CYSLTR2: variants seen among roughly 807,000 people sequenced by gnomAD.
The protein encoded by CYSLTR2 is cysteinyl leukotriene receptor 2.
For synonymous variants in CYSLTR2, 179 were observed against 160.8 expected (o/e 1.11, Z -0.86); for missense variants, 398 against 411.9 (o/e 0.97, Z 0.29).
Position 48,708,045 on chromosome 13 carries a change from T to A in CYSLTR2, c.*187T>A. ...CAGTGTATTTTCAGTTGTTGAGTCT[T>A]AATGAGGGATACAGGAGGAAAAATC... On this transcript the variant is annotated 3_prime_UTR_variant, in exon 5 of 5. Coordinates refer to ENST00000682523, the MANE Select transcript of CYSLTR2 (RefSeq NM_001308476.3). 1 of 493,422 alleles carries A rather than the reference T, an allele frequency of 2.0e-6. No individual in the cohort carries two copies. The highest frequency in any genetic ancestry group is 3.5e-6 in the Non-Finnish European group (1 of 283,044). The allele number at this position is 493,422 out of a possible 1,614,324, so 30.6% of individuals were successfully genotyped here. A position where few individuals can be genotyped will look rare whatever the true frequency, so the allele number is the denominator to read the frequency against.
intron 4 of CYSLTR2, among the ~76,000 whole-genome samples, chr13:48,705,108 G>T (rs74569164): frequency 3.3e-4 from 50 of 152,200 alleles, no homozygotes; most frequent in African/African-American, 1.0e-3. Flanking sequence ...TCTGTTGTTT[G>T]GCGCATACCC....
At chr13:48,673,796 A>G (rs1172137254) in intron 1 of CYSLTR2, among the ~76,000 whole-genome samples, 1 of 151,844 alleles carries the variant, frequency 6.6e-6, no homozygotes, top group African/African-American at 2.4e-5. Context: ...CTTCCTTTGG[A>G]GCTCTTGTAA....
chr13:48,653,993 G>C lies in CYSLTR2; in HGVS notation c.-290G>C, dbSNP rs970545890. On this transcript the variant is annotated 5_prime_UTR_variant, in exon 1 of 5. Transcript: ENST00000682523. ...AGAGATAGAGGCAGCAGAAGCCAGGGCAGCTGAAAGACAGAGACCTTCAGG... is the reference window on the plus strand; with the variant it reads ...AGAGATAGAGGCAGCAGAAGCCAGGCCAGCTGAAAGACAGAGACCTTCAGG... 13 of 152,204 alleles carry C rather than the reference G, an allele frequency of 8.5e-5. No individual in the cohort carries two copies. Among genetic ancestry groups the C allele is most frequent in the African/African-American group, 2.7e-4 (11 of 41,442 alleles). 9.4% of individuals were successfully genotyped at this position (152,204 alleles called of 1,614,324 possible).
chr13:48,700,741 A>T (rs1196699585), intron 4 of CYSLTR2, among the ~76,000 whole-genome samples: 2 of 151,596 alleles, frequency 1.3e-5, no homozygotes, highest in African/African-American at 2.4e-5. Context: ...CTGTTTGCAG[A>T]TGACATTTAG....
chr13:48,691,991 A>T (rs1020132715), intron 2 of CYSLTR2, among the ~76,000 whole-genome samples: 1 of 152,168 alleles, frequency 6.6e-6, no homozygotes, highest in East Asian at 1.9e-4. Context: ...TTCATAGATG[A>T]CAAAACAAAT....
At chr13:48,686,713 T>G (rs12853985) in intron 1 of CYSLTR2, among the ~76,000 whole-genome samples, 63,848 of 152,088 alleles carry the variant, frequency 0.42, 13,641 homozygotes, top group South Asian at 0.5. Flanking sequence ...AAGGCTATGT[T>G]ATTATCCGTG....
chr13:48,667,587 T>C (rs1333555291), intron 1 of CYSLTR2, among the ~76,000 whole-genome samples: 3 of 152,150 alleles, frequency 2.0e-5, no homozygotes, highest in Non-Finnish European at 4.4e-5. Flanking sequence ...AGGACTGTTA[T>C]ATGGGTGCAC....
intron 1 of CYSLTR2, among the ~76,000 whole-genome samples, chr13:48,668,013 T>C (rs896652503): frequency 6.6e-6 from 1 of 152,172 alleles, no homozygotes; most frequent in Admixed American, 6.5e-5. Context: ...AAGAGCACAT[T>C]GCAGTAACAC....
At chr13:48,681,951 T>C (rs1555257418) in intron 1 of CYSLTR2, among the ~76,000 whole-genome samples, 1 of 152,200 alleles carries the variant, frequency 6.6e-6, no homozygotes, top group Admixed American at 6.5e-5. Flanking sequence ...GCTTTAAAGT[T>C]AGGTTCTTTA....
intron 1 of CYSLTR2, among the ~76,000 whole-genome samples, chr13:48,656,476 A>G (rs941867772): frequency 6.6e-6 from 1 of 152,220 alleles, no homozygotes; most frequent in Non-Finnish European, 1.5e-5. Flanking sequence ...AGACGGCTGC[A>G]GTAATAAAAG....
At position 48,708,947 on chromosome 13, in the gene CYSLTR2, GACA is replaced by G. The variant is rs1293037008; in HGVS notation, c.*1094_*1096del. 6.0e-6 allele frequency: 1 copy of G among 167,056 alleles called. No individual in the cohort carries two copies. Among genetic ancestry groups the G allele is most frequent in the Non-Finnish European group, 1.5e-5 (1 of 68,110 alleles). 10.3% of individuals were successfully genotyped at this position (167,056 alleles called of 1,614,324 possible). A position where few individuals can be genotyped will look rare whatever the true frequency, so the allele number is the denominator to read the frequency against. On this transcript the variant is annotated 3_prime_UTR_variant, in exon 5 of 5. Coordinates refer to ENST00000682523, the MANE Select transcript of CYSLTR2 (RefSeq NM_001308476.3). Reference sequence around the variant, plus strand: ...CTACTATCACCATGACCATTGTACTGACAACAATTGAATGCAGTCTCCCTGCAG... The same window carrying G: ...CTACTATCACCATGACCATTGTACTGACAATTGAATGCAGTCTCCCTGCAG...
intron 1 of CYSLTR2, among the ~76,000 whole-genome samples, chr13:48,687,849 A>G (rs1448673658): frequency 6.6e-6 from 1 of 152,230 alleles, no homozygotes; most frequent in African/African-American, 2.4e-5. Context: ...TCCACATAAG[A>G]AGGACTGTCC....
At chr13:48,670,454 A>G (rs1953394271) in intron 1 of CYSLTR2, among the ~76,000 whole-genome samples, 1 of 152,126 alleles carries the variant, frequency 6.6e-6, no homozygotes, top group African/African-American at 2.4e-5. Context: ...TAATTTTTGT[A>G]TAAGGTGTAA....
intron 1 of CYSLTR2, among the ~76,000 whole-genome samples, chr13:48,690,862 C>A (rs1261050852): frequency 1.3e-5 from 2 of 151,698 alleles, no homozygotes; most frequent in African/African-American, 4.8e-5. Flanking sequence ...TGGTAGATAT[C>A]GGCTGTGAAT....
intron 1 of CYSLTR2, among the ~76,000 whole-genome samples, chr13:48,683,885 T>C (rs1953825295): frequency 6.6e-6 from 1 of 152,218 alleles, no homozygotes; most frequent in East Asian, 1.9e-4. Flanking sequence ...ACTTTCCTTT[T>C]ATTGCATTCT....
intron 4 of CYSLTR2, among the ~76,000 whole-genome samples, chr13:48,702,527 G>A (rs533244845): frequency 6.0e-4 from 92 of 152,196 alleles, no homozygotes; most frequent in Non-Finnish European, 8.8e-4. Flanking sequence ...CTATCCAATT[G>A]CTCCAGTGCC....
intron 1 of CYSLTR2, among the ~76,000 whole-genome samples, chr13:48,675,401 TCTGC>T: frequency 3.3e-5 from 5 of 152,150 alleles, no homozygotes; most frequent in Admixed American, 2.6e-4. Context: ...TATGGTGGGC[TCTGC>T]CAGTTCGAAC....
intron 1 of CYSLTR2, among the ~76,000 whole-genome samples, chr13:48,673,084 G>C (rs956965116): frequency 3.9e-5 from 6 of 152,216 alleles, no homozygotes; most frequent in Non-Finnish European, 7.3e-5. Flanking sequence ...CTATTCTGTT[G>C]ATTTGGGGTG....
intron 1 of CYSLTR2, among the ~76,000 whole-genome samples, chr13:48,665,669 C>T (rs1051242813): frequency 3.9e-5 from 6 of 151,912 alleles, no homozygotes; most frequent in African/African-American, 7.2e-5. Flanking sequence ...TATCTTTTTT[C>T]GTCCCTTCAC....
Sources: gnomAD v4.1 joint callset for allele counts (sites outside exome capture counted in the v4.1 genomes callset) on GRCh38, gnomAD v4.1.1 for gene constraint, MANE v1.5 for transcripts, NCBI Gene and HGNC (gene_info 2026-07-23, HGNC 2026-07-21) for gene names.